The following BCL7A variants were observed in gnomAD, a reference collection of about 807,000 sequenced individuals.
BCL7A encodes B-cell CLL/lymphoma 7 protein family member A.
A neutral mutation model predicts 28.4 loss-of-function variants in BCL7A; 11 were observed. The ratio of observed to expected loss-of-function variants is 0.39; its 90% CI spans 0.24 to 0.64. The LOEUF (loss-of-function observed/expected upper bound fraction) is 0.64, where lower values mean the gene tolerates loss of function less well. BCL7A is among the 30% of genes least tolerant of loss of function. The pLI, the probability that BCL7A is intolerant of heterozygous loss-of-function variation, is 0.50. For synonymous variants in BCL7A, 123 were observed against 103.3 expected, an observed-to-expected ratio of 1.19 and a Z score of -1.15; for missense variants, 222 against 274.8, an observed-to-expected ratio of 0.81 and a Z score of 1.36.
At chr12:122,050,411 C>G (rs981943277) in intron 4 of BCL7A, among the ~76,000 whole-genome samples, 4 of 152,148 alleles carry the variant, frequency 2.6e-5, no homozygotes, top group African/African-American at 9.7e-5. Flanking sequence ...GGTAAAATCA[C>G]CCCCTGCTGA....
At chr12:122,025,329 A>G (rs2135837590) in intron 1 of BCL7A, among the ~76,000 whole-genome samples, 1 of 151,474 alleles carries the variant, frequency 6.6e-6, no homozygotes, top group East Asian at 1.9e-4. Context: ...AAAAAAAAAG[A>G]AAAAGAAAAA....
At chr12:122,048,462 G>C (rs528263320) in intron 4 of BCL7A, among the ~76,000 whole-genome samples, 1 of 152,204 alleles carries the variant, frequency 6.6e-6, no homozygotes, top group African/African-American at 2.4e-5. Flanking sequence ...TAGAAAGGAG[G>C]CAGGCTGGCC....
At chr12:122,024,361 T>A (rs772156773) in intron 1 of BCL7A, among the ~76,000 whole-genome samples, 1 of 152,256 alleles carries the variant, frequency 6.6e-6, no homozygotes, top group Admixed American at 6.5e-5. Flanking sequence ...ATTGAGGTCA[T>A]GCCTCCGAGA....
intron 4 of BCL7A, among the ~76,000 whole-genome samples, chr12:122,049,027 A>ATAT (rs1331209879): frequency 5.4e-5 from 4 of 74,276 alleles, no homozygotes; most frequent in Non-Finnish European, 8.3e-5. Flanking sequence ...TAAAAAAAAA[A>ATAT]AAAAAAAAAT....
chr12:122,026,906 T>C (rs899564074), intron 1 of BCL7A, among the ~76,000 whole-genome samples: 4 of 152,206 alleles, frequency 2.6e-5, no homozygotes, highest in Non-Finnish European at 4.4e-5. Context: ...TTGTAGTTTA[T>C]ATAGGAGTCC....
chr12:122,061,772 A>C lies in BCL7A; in HGVS notation c.*2609A>C, dbSNP rs1951925585. 1 of 227,964 alleles carries C rather than the reference A, an allele frequency of 4.4e-6. No homozygotes were observed. The allele number at this position is 227,964 out of a possible 1,614,324, so 14.1% of individuals were successfully genotyped here. A position where few individuals can be genotyped will look rare whatever the true frequency, so the allele number is the denominator to read the frequency against. The stretch of plus-strand genomic sequence containing the variant: ...CAAAGTGCTGGCACTTACACCCACA[A>C]CCCGGAAGGCTGTGGACCGATTCCT... On this transcript the variant is annotated 3_prime_UTR_variant, in exon 6 of 6. Transcript: ENST00000261822.
Position 122,021,921 on chromosome 12 carries a change from T to TGG in BCL7A, c.-170_-169insGG. ...GCGCGCGGCGGCCCCGGGCTTTGTGTGTGTGTGTATGTGTGTGTGTGTGTG... is the reference window on the plus strand; with the variant it reads ...GCGCGCGGCGGCCCCGGGCTTTGTGTGGGTGTGTGTATGTGTGTGTGTGTGTG... On this transcript the variant is annotated 5_prime_UTR_variant, in exon 1 of 6. Transcript: ENST00000261822. 2 of 389,482 alleles carry TGG rather than the reference T, an allele frequency of 5.1e-6. No individual in the cohort carries two copies. Among genetic ancestry groups the TGG allele is most frequent in the East Asian group, 4.3e-5 (1 of 23,090 alleles). The allele number at this position is 389,482 out of a possible 1,614,324, so 24.1% of individuals were successfully genotyped here.
Position 122,059,288 on chromosome 12 carries a change from A to G in BCL7A, c.*125A>G, listed in dbSNP as rs1240554283. ...AACTACTAACGTTTCAAGTTTACCA[A>G]GTGCAAATCCAAGAAGACCCAGAAC... On this transcript the variant is annotated 3_prime_UTR_variant, in exon 6 of 6. Coordinates refer to ENST00000261822, the MANE Select transcript of BCL7A (RefSeq NM_001024808.3). The surrounding 1 kb of genome is among the most constrained non-coding windows in gnomAD (Gnocchi z 4.0). 1 of 882,410 alleles carries G rather than the reference A, an allele frequency of 1.1e-6. No individual in the cohort carries two copies. The highest frequency in any genetic ancestry group is 1.8e-6 in the Non-Finnish European group (1 of 569,700). The allele number at this position is 882,410 out of a possible 1,614,324, so 54.7% of individuals were successfully genotyped here. A position where few individuals can be genotyped will look rare whatever the true frequency, so the allele number is the denominator to read the frequency against.
intron 1 of BCL7A, among the ~76,000 whole-genome samples, chr12:122,023,550 T>C (rs1883527572): frequency 6.6e-6 from 1 of 152,298 alleles, no homozygotes; most frequent in Admixed American, 6.5e-5. Context: ...CCCGGCCTCC[T>C]ATGGAAAGGG....
At chr12:122,022,358 T>A (rs1593019248) in intron 1 of BCL7A, among the ~76,000 whole-genome samples, 175 bp downstream of exon 1, 1 of 141,966 alleles carries the variant, frequency 7.0e-6, no homozygotes, top group Non-Finnish European at 1.6e-5. Flanking sequence ...CCGGGTCACC[T>A]GCGCCAGGCT....
chr12:122,031,349 C>T (rs1467850446), intron 2 of BCL7A, among the ~76,000 whole-genome samples: 9 of 140,270 alleles, frequency 6.4e-5, no homozygotes, highest in South Asian at 2.4e-4. Context: ...TCTTCTGGGC[C>T]GAGCGCCCCC....
At chr12:122,041,418 C>G (rs1005502737) in intron 3 of BCL7A, among the ~76,000 whole-genome samples, 3 of 152,146 alleles carry the variant, frequency 2.0e-5, no homozygotes, top group African/African-American at 7.2e-5. Flanking sequence ...AGCATGGCCC[C>G]CAGAAAGGCT....
At chr12:122,033,915 A>G (rs1401772730) in intron 2 of BCL7A, among the ~76,000 whole-genome samples, 1 of 151,866 alleles carries the variant, frequency 6.6e-6, no homozygotes, top group South Asian at 2.1e-4. Flanking sequence ...CCACCAGTCC[A>G]CTTTTTGTCT....
At chr12:122,025,660 A>G (rs1883610580) in intron 1 of BCL7A, among the ~76,000 whole-genome samples, 1 of 149,258 alleles carries the variant, frequency 6.7e-6, no homozygotes, top group African/African-American at 2.5e-5. Flanking sequence ...AAAAAGAAAA[A>G]TTAGTCTGGA....
At chr12:122,033,217 C>G (rs961673668) in intron 2 of BCL7A, among the ~76,000 whole-genome samples, 5 of 151,858 alleles carry the variant, frequency 3.3e-5, no homozygotes, top group African/African-American at 1.2e-4. Context: ...CTCACTGCAG[C>G]CTCGACCTCC....
intron 4 of BCL7A, 79 bp downstream of exon 4, chr12:122,044,132 G>A: frequency 2.0e-6 from 3 of 1,505,408 alleles, no homozygotes; most frequent in Non-Finnish European, 2.7e-6. Context: ...GGTGTTCCAG[G>A]AGGCCCTGTC....
At chr12:122,042,227 G>A (rs1319047770) in intron 3 of BCL7A, among the ~76,000 whole-genome samples, 1 of 152,160 alleles carries the variant, frequency 6.6e-6, no homozygotes. Context: ...TTGTTGTCAA[G>A]AACAGTAGAG....
At position 122,059,171 on chromosome 12, in the gene BCL7A, T is replaced by A. The variant is rs529033756; in HGVS notation, c.*8T>A. 16 of 1,607,196 alleles carry A rather than the reference T, an allele frequency of 1.0e-5. No individual in the cohort carries two copies. The Admixed American group carries it at 2.7e-4, about 27-fold the overall frequency. ...AACTCCGAAGAGATGTAGACGATGCTTTAAAGCCTCCGATCCATGTTCCAT... is the reference window on the plus strand; with the variant it reads ...AACTCCGAAGAGATGTAGACGATGCATTAAAGCCTCCGATCCATGTTCCAT... On this transcript the variant is annotated 3_prime_UTR_variant, in exon 6 of 6. Transcript: ENST00000261822. This position sits in a 1 kb window ranked among gnomAD's most constrained non-coding sequence, Gnocchi z 4.0.
At chr12:122,049,746 A>G (rs1301803401) in intron 4 of BCL7A, among the ~76,000 whole-genome samples, 1 of 152,044 alleles carries the variant, frequency 6.6e-6, no homozygotes, top group Non-Finnish European at 1.5e-5. Context: ...TGTTTTGCAC[A>G]TGCAGTCCTG....
Sources: gnomAD v4.1 joint callset for allele counts (sites outside exome capture counted in the v4.1 genomes callset) on GRCh38, gnomAD v4.1.1 for gene constraint, Gnocchi (gnomAD v3.1) non-coding constraint, MANE v1.5 for transcripts, NCBI Gene and HGNC (gene_info 2026-07-23, HGNC 2026-07-21) for gene names.